The following DNAH2 variants were observed in gnomAD, a reference collection of about 807,000 sequenced individuals.
The protein encoded by DNAH2 is dynein axonemal heavy chain 2.
A neutral mutation model predicts 523.5 loss-of-function variants in DNAH2; 323 were observed. The ratio of observed to expected loss-of-function variants is 0.62; its 90% CI spans 0.56 to 0.68. The LOEUF is 0.68. Ranked by LOEUF, DNAH2 falls within the 30% of genes least tolerant of loss-of-function variation. DNAH2 has a pLI of 0.00. For missense variants in DNAH2, 4,907 were observed against 5,701.5 expected (o/e 0.86, Z 4.49); for synonymous variants, 2,093 against 2,177.4 (o/e 0.96, Z 1.08).
At chr17:7,730,853 G>A (rs1486168308) in intron 4 of DNAH2, among the ~76,000 whole-genome samples, 2 of 151,828 alleles carry the variant, frequency 1.3e-5, no homozygotes, top group East Asian at 3.9e-4. Context: ...GGTGGCTCAC[G>A]CCTGTAATCC....
rs199499089 is a variant in DNAH2, at chr17:7,807,236, G to A, written c.9529G>A (p.Ala3177Thr). 2.0e-4 allele frequency: 316 copies of A among 1,613,784 alleles called. No individual in the cohort carries two copies. The highest frequency in any genetic ancestry group is 2.7e-4 in the Admixed American group (16 of 60,028). ...TCTGAAGAAGATTGGGGCCTACTGC[G>A]CCCAGCCTGACTTCCAGCCTGATAT... is the stretch of plus-strand genomic sequence containing the variant. ...KVLKKIGAYCAQPDFQPDIIG... is the reference protein window; with the variant it reads ...KVLKKIGAYCTQPDFQPDIIG... Residue 3177 changes from alanine to threonine, a missense_variant, in exon 62 of 86, where the codon GCC (alanine) becomes ACC (threonine). Ala to Thr is a moderately conservative substitution (Grantham distance 58). Coordinates refer to ENST00000572933, the MANE Select transcript of DNAH2 (RefSeq NM_020877.5). This position sits in a 1 kb window ranked among gnomAD's most constrained non-coding sequence, Gnocchi z 5.6.
rs763590343 is a variant in DNAH2, at chr17:7,798,548, C to T, written c.8399-10C>T. 6.2e-7 allele frequency: 1 copy of T among 1,613,694 alleles called. No homozygotes were observed. The highest frequency in any genetic ancestry group is 1.1e-5 in the South Asian group (1 of 91,056). ...GCAGTGAGTTTGTCCTCCTTCCCTCCCCCGGCCAGATATCAAGCGTCTGTA... is the reference window on the plus strand; with the variant it reads ...GCAGTGAGTTTGTCCTCCTTCCCTCTCCCGGCCAGATATCAAGCGTCTGTA... On this transcript the variant is annotated splice_polypyrimidine_tract_variant and intron_variant, in intron 54 of 85. Transcript: ENST00000572933. The surrounding 1 kb of genome is among the most constrained non-coding windows in gnomAD (Gnocchi z 5.5).
In DNAH2 at chr17:7,780,453, C is replaced by T. The variant is rs956977169; in HGVS notation, c.5850+169C>T. Among the ~76,000 whole-genome samples, 5 of 152,202 alleles carry T rather than the reference C, an allele frequency of 3.3e-5. No individual in the cohort carries two copies. The highest frequency in any genetic ancestry group is 7.3e-5 in the Non-Finnish European group (5 of 68,028). On this transcript the variant is annotated intron_variant, in intron 37 of 85. Coordinates refer to ENST00000572933, the MANE Select transcript of DNAH2 (RefSeq NM_020877.5). The surrounding 1 kb of genome is among the most constrained non-coding windows in gnomAD (Gnocchi z 4.4). ...ATTTAGGGGAGGGAGGTGTCTCCTC[C>T]GTGATATCACTAACTGACAATGGCG...
intron 31 of DNAH2, 56 bp from the exon 32 acceptor site, chr17:7,776,723 G>T (rs1206245074): frequency 1.4e-6 from 2 of 1,408,720 alleles, no homozygotes; most frequent in Non-Finnish European, 2.0e-6. Context: ...TTGGGAGCTG[G>T]GCTGTGCGTG....
At chr17:7,723,450 T>C (rs1459163517) in intron 2 of DNAH2, among the ~76,000 whole-genome samples, 178 bp from the exon 3 acceptor site, 2 of 151,694 alleles carry the variant, frequency 1.3e-5, no homozygotes, top group African/African-American at 4.8e-5. Context: ...TTTTGTATTT[T>C]TAGTAGAGAC....
At chr17:7,815,084 G>A (rs917783486) in intron 63 of DNAH2, among the ~76,000 whole-genome samples, 2 of 152,198 alleles carry the variant, frequency 1.3e-5, no homozygotes. Context: ...CCAAAGTGCT[G>A]GGATTACAGG....
At chr17:7,738,374 G>A (rs2151146724) in intron 8 of DNAH2, among the ~76,000 whole-genome samples, 1 of 152,072 alleles carries the variant, frequency 6.6e-6, no homozygotes, top group Non-Finnish European at 1.5e-5. Context: ...CTGCCACCCA[G>A]GCTGGAGTGC....
intron 4 of DNAH2, among the ~76,000 whole-genome samples, chr17:7,728,230 T>G (rs1268379657): frequency 6.6e-6 from 1 of 152,144 alleles, no homozygotes; most frequent in East Asian, 1.9e-4. Context: ...AAAATGTTGC[T>G]GGTAGAATCT....
intron 77 of DNAH2, among the ~76,000 whole-genome samples, chr17:7,826,835 C>G (rs559600174): frequency 1.3e-5 from 2 of 151,960 alleles, no homozygotes; most frequent in Non-Finnish European, 2.9e-5. Context: ...TCACCGCACC[C>G]GGCCCATCAT....
rs910094143 is a variant in DNAH2, at chr17:7,807,446, C to G, written c.9613-24C>G. 4.0e-5 allele frequency: 65 copies of G among 1,611,978 alleles called. No individual in the cohort carries two copies. The highest frequency in any genetic ancestry group is 5.4e-5 in the Non-Finnish European group (64 of 1,179,562). ...GGTTGGTGGGTTGGTGGGCGACTCC[C>G]ACAGCCTGACTGTCTCCCCACAGCT... On this transcript the variant is annotated intron_variant, in intron 62 of 85. Transcript: ENST00000572933. This position sits in a 1 kb window ranked among gnomAD's most constrained non-coding sequence, Gnocchi z 5.6.
rs1320822080 is a variant in DNAH2 at position 7,786,895 on chromosome 17, A to C, written c.6467-2A>C. The C allele has an allele frequency of 6.2e-7, 1 of 1,614,256 alleles. No homozygotes were observed. The highest frequency in any genetic ancestry group is 1.7e-5 in the Admixed American group (1 of 60,032). On this transcript the variant is annotated splice_acceptor_variant, in intron 41 of 85. Transcript: ENST00000572933. LOFTEE classifies it high-confidence loss of function. The surrounding 1 kb of genome is among the most constrained non-coding windows in gnomAD (Gnocchi z 7.5). ...TTTCCTCATCACCCACCATCTACTCAGATGAGAAACCCGACGAGAAGTGGA... is the reference window on the plus strand; with the variant it reads ...TTTCCTCATCACCCACCATCTACTCCGATGAGAAACCCGACGAGAAGTGGA...
In DNAH2 at chr17:7,787,026, C is replaced by T. The variant is rs2076757753; in HGVS notation, c.6596C>T (p.Pro2199Leu). The T allele has an allele frequency of 1.2e-6, 2 of 1,614,030 alleles. No individual in the cohort carries two copies. Among genetic ancestry groups the T allele is most frequent in the Non-Finnish European group, 1.7e-6 (2 of 1,180,016 alleles). ...TLINGERIAM[P>L]EQVSLLFEVE... Reference sequence around the variant, plus strand: ...ATCAACGGCGAGCGCATCGCGATGCCCGAGCAGGTCAGGGACGCGGCTGAC... The same window carrying T: ...ATCAACGGCGAGCGCATCGCGATGCTCGAGCAGGTCAGGGACGCGGCTGAC... Residue 2199 changes from proline to leucine, a missense_variant, in exon 42 of 86, where the codon CCC becomes CTC. By Grantham distance (98) the Pro-to-Leu change is moderately conservative. This residue lies in a region of DNAH2 where 2,806 missense variants were observed against 3,190.8 expected (regional missense o/e 0.88). Transcript: ENST00000572933.
chr17:7,753,168 G>A (rs1321457986), intron 12 of DNAH2, among the ~76,000 whole-genome samples: 2 of 152,202 alleles, frequency 1.3e-5, no homozygotes, highest in African/African-American at 4.8e-5. Flanking sequence ...AAGTAAGGCC[G>A]AGGAAGGATG....
At chr17:7,782,529 G>A (rs994232062) in intron 39 of DNAH2, among the ~76,000 whole-genome samples, 1 of 152,146 alleles carries the variant, frequency 6.6e-6, no homozygotes, top group Non-Finnish European at 1.5e-5. Flanking sequence ...ACACTTCAAA[G>A]AAGTGCCACA....
rs185853915 is a variant in DNAH2, at chr17:7,806,840, T to C, written c.9443-310T>C. Among the ~76,000 whole-genome samples, 211 of 151,900 alleles carry C rather than the reference T, an allele frequency of 1.4e-3. 2 individuals are homozygous for C. The highest frequency in any genetic ancestry group is 5.5e-3 in the Admixed American group (84 of 15,234). On this transcript the variant is annotated intron_variant, in intron 61 of 85. Transcript: ENST00000572933. ...TAGAATACAGCCTGCCAGTCTCGGTTTGGTGATCCCTGCCCTAGAAGAAAG... is the reference window on the plus strand; with the variant it reads ...TAGAATACAGCCTGCCAGTCTCGGTCTGGTGATCCCTGCCCTAGAAGAAAG...
chr17:7,805,166 G>A, intron 60 of DNAH2, 86 bp from the exon 61 acceptor site: 49 of 1,595,510 alleles, frequency 3.1e-5, no homozygotes, highest in Non-Finnish European at 4.2e-5. Flanking sequence ...AGACTCTGGG[G>A]AAGTGGGAAG....
chr17:7,803,844 T>C (rs568033810), intron 58 of DNAH2, among the ~76,000 whole-genome samples: 9 of 152,160 alleles, frequency 5.9e-5, no homozygotes, highest in African/African-American at 2.2e-4. Flanking sequence ...AGCAATAAAT[T>C]GTTGCAATAC....
At chr17:7,785,999 T>C in intron 39 of DNAH2, 125 bp from the exon 40 acceptor site, 1 of 944,602 alleles carries the variant, frequency 1.1e-6, no homozygotes, top group South Asian at 1.6e-5. Flanking sequence ...AGAGCCGGAG[T>C]GCAGAGGGCC....
At chr17:7,751,235 CT>C (rs2075675056) in intron 12 of DNAH2, among the ~76,000 whole-genome samples, 1 of 151,696 alleles carries the variant, frequency 6.6e-6, no homozygotes, top group African/African-American at 2.4e-5. Context: ...CCTCTGCGTC[CT>C]GGGTTCAAGC....
Sources: gnomAD v4.1 joint callset for allele counts (sites outside exome capture counted in the v4.1 genomes callset) on GRCh38, gnomAD v4.1.1 for gene constraint, gnomAD v4.1.1 regional missense constraint, Gnocchi (gnomAD v3.1) non-coding constraint, MANE v1.5 for transcripts, NCBI Gene and HGNC (gene_info 2026-07-23, HGNC 2026-07-21) for gene names.